The following NAV2 variants were observed in gnomAD, a reference collection of about 807,000 sequenced individuals.
The protein encoded by NAV2 is helicase, APC down-regulated 1.
In NAV2, 54 loss-of-function variants were observed where a neutral mutation model predicts 223.2. The observed-to-expected ratio is 0.24, with a 90% confidence interval of 0.19 to 0.30. NAV2 has a LOEUF of 0.30. Ranked by LOEUF, NAV2 falls within the 10% of genes least tolerant of loss-of-function variation. NAV2 has a pLI of 1.00. For missense variants in NAV2, 2,806 were observed against 3,147.5 expected, an observed-to-expected ratio of 0.89 and a Z score of 2.60; for synonymous variants, 1,279 against 1,239.3, an observed-to-expected ratio of 1.03 and a Z score of -0.67.
intron 18 of NAV2, among the ~76,000 whole-genome samples, chr11:20,054,578 G>A (rs181262000): frequency 6.6e-6 from 1 of 152,094 alleles, no homozygotes; most frequent in African/African-American, 2.4e-5. Flanking sequence ...ATATTGGTAG[G>A]GCTATAGCAA....
intron 25 of NAV2, 110 bp from the exon 26 acceptor site, chr11:20,082,897 G>T: frequency 9.4e-7 from 1 of 1,063,160 alleles, no homozygotes; most frequent in Non-Finnish European, 1.3e-6. Flanking sequence ...TCCATTGGTG[G>T]GGGGAAAAAC....
chr11:19,703,759 G>A (rs1381487032), intron 1 of NAV2, among the ~76,000 whole-genome samples: 4 of 152,216 alleles, frequency 2.6e-5, no homozygotes, highest in Admixed American at 2.6e-4. Context: ...CAAAGCCTTT[G>A]CAGCGCTTCA....
In NAV2 at chr11:19,514,713, A is replaced by C. The variant is rs534882730; in HGVS notation, c.75+163686A>C. On this transcript the variant is annotated intron_variant, in intron 1 of 37. Transcript: ENST00000360655. The stretch of plus-strand genomic sequence containing the variant: ...TGGGAGAAACTTCCAACGCCAGGCC[A>C]GTCTCCAACACTGATTTACTTCATG... 4.6e-5 allele frequency among the ~76,000 whole-genome samples: 7 copies of C among 152,316 alleles called. No individual in the cohort carries two copies. In the South Asian group the frequency reaches 1.5e-3, roughly 32 times the overall value.
intron 1 of NAV2, among the ~76,000 whole-genome samples, chr11:19,627,471 G>A (rs1298751844): frequency 6.6e-6 from 1 of 152,132 alleles, no homozygotes; most frequent in African/African-American, 2.4e-5. Flanking sequence ...ATGGAAGTGG[G>A]AGGTTTTTCA....
chr11:19,668,264 A>C (rs1312196618), intron 1 of NAV2, among the ~76,000 whole-genome samples: 1 of 152,226 alleles, frequency 6.6e-6, no homozygotes, highest in Non-Finnish European at 1.5e-5. Flanking sequence ...AAGGCTGGGC[A>C]TGGTGGCTTA....
intron 1 of NAV2, among the ~76,000 whole-genome samples, chr11:19,551,155 C>T (rs1450310874): frequency 6.6e-6 from 1 of 152,260 alleles, no homozygotes; most frequent in East Asian, 1.9e-4. Flanking sequence ...GCCAAGAACC[C>T]TTGCAAGCTA....
rs569780560 is a variant in NAV2 at position 19,818,361 on chromosome 11, C to T, written c.268-14123C>T. ...ACTTGCCAATTACCATGGTGTAAAT[C>T]CTTCTACCAAGACTGATTTTAATTT... On this transcript the variant is annotated intron_variant, in intron 1 of 37. Transcript: ENST00000349880. Among the ~76,000 whole-genome samples the T allele has an allele frequency of 1.4e-3, 208 of 146,742 alleles. 1 individual carries two copies. In the Middle Eastern group the frequency reaches 0.043, roughly 30 times the overall value.
intron 1 of NAV2, among the ~76,000 whole-genome samples, chr11:19,578,853 A>T (rs1355229965): frequency 2.6e-5 from 4 of 152,108 alleles, no homozygotes; most frequent in African/African-American, 7.2e-5. Flanking sequence ...TCTCGACAGG[A>T]AAGGTTTGCT....
At chr11:19,441,150 C>T (rs1039090436) in intron 1 of NAV2, among the ~76,000 whole-genome samples, 2 of 152,140 alleles carry the variant, frequency 1.3e-5, no homozygotes, top group Non-Finnish European at 2.9e-5. Flanking sequence ...GGAAGAATGT[C>T]TCATGCCGGG....
intron 10 of NAV2, among the ~76,000 whole-genome samples, chr11:19,953,621 G>A (rs1441348187): frequency 6.6e-6 from 1 of 152,212 alleles, no homozygotes; most frequent in African/African-American, 2.4e-5. Flanking sequence ...CGTGTTTCTG[G>A]TAGTCTTGGT....
At chr11:19,537,732 T>C (rs948745202) in intron 1 of NAV2, among the ~76,000 whole-genome samples, 1 of 152,256 alleles carries the variant, frequency 6.6e-6, no homozygotes, top group African/African-American at 2.4e-5. Context: ...CAGGTATATC[T>C]GATCTAGTCT....
chr11:19,620,227 T>C (rs1305225237), intron 1 of NAV2, among the ~76,000 whole-genome samples: 1 of 152,200 alleles, frequency 6.6e-6, no homozygotes. Context: ...GGCTTAGGAT[T>C]GACTTGGCAA....
chr11:19,620,347 G>T (rs1252005385), intron 1 of NAV2, among the ~76,000 whole-genome samples: 1 of 152,146 alleles, frequency 6.6e-6, no homozygotes, highest in African/African-American at 2.4e-5. Context: ...AAATTACCTT[G>T]GGAAGAATGG....
chr11:19,624,956 T>C (rs540618098), intron 1 of NAV2, among the ~76,000 whole-genome samples: 1 of 152,246 alleles, frequency 6.6e-6, no homozygotes, highest in Non-Finnish European at 1.5e-5. Flanking sequence ...ATAATAATTG[T>C]ACATACTCAT....
intron 35 of NAV2, chr11:20,107,321 T>C (rs7946966): frequency 0.81 from 138,571 of 171,660 alleles, 59,163 homozygotes; most frequent in Non-Finnish European, 0.95. Flanking sequence ...CTCCTGACCT[T>C]GTGATCCACC....
chr11:20,082,944 T>C (rs1042861467), intron 25 of NAV2, 63 bp from the exon 26 acceptor site: 1 of 1,464,364 alleles, frequency 6.8e-7, no homozygotes, highest in Non-Finnish European at 9.3e-7. Context: ...TGCATGTCTC[T>C]GTTTTGCCAA....
At chr11:19,461,756 C>A (rs764485488) in intron 1 of NAV2, among the ~76,000 whole-genome samples, 7 of 152,096 alleles carry the variant, frequency 4.6e-5, no homozygotes, top group Non-Finnish European at 1.0e-4. Flanking sequence ...AATGGAGTAG[C>A]GAGTATCAGA....
At chr11:19,478,423 C>A (rs2042183004) in intron 1 of NAV2, among the ~76,000 whole-genome samples, 1 of 152,118 alleles carries the variant, frequency 6.6e-6, no homozygotes, top group Non-Finnish European at 1.5e-5. Context: ...GATATCAAAG[C>A]AACGGACAGA....
chr11:19,871,782 C>G (rs896879522), intron 4 of NAV2, among the ~76,000 whole-genome samples: 1 of 152,074 alleles, frequency 6.6e-6, no homozygotes, highest in Non-Finnish European at 1.5e-5. Context: ...GCAGATCAGC[C>G]GGGTCTCTGC....
Sources: gnomAD v4.1 joint callset for allele counts (sites outside exome capture counted in the v4.1 genomes callset) on GRCh38, gnomAD v4.1.1 for gene constraint, MANE v1.5 for transcripts, NCBI Gene and HGNC (gene_info 2026-07-23, HGNC 2026-07-21) for gene names.